The following TMEM267 variants were observed in gnomAD, a reference collection of about 807,000 sequenced individuals.
TMEM267 encodes transmembrane protein C5orf28.
A neutral mutation model predicts 19.3 loss-of-function variants in TMEM267; 20 were observed. The observed-to-expected ratio is 1.04, with a 90% CI of 0.73 to 1.51. TMEM267 has a LOEUF of 1.51. Among genes scored for constraint, TMEM267 ranks in the 40% most tolerant of loss-of-function variants. The probability of loss-of-function intolerance (pLI) is 0.00; values close to 1 mark genes in which losing one functional copy is unlikely to be tolerated. For synonymous variants in TMEM267, 88 were observed against 90.3 expected (o/e 0.97, Z 0.15); for missense variants, 242 against 261.9 (o/e 0.92, Z 0.52).
Position 43,472,505 on chromosome 5 carries a change from G to T in TMEM267, c.-75+11317C>A, listed in dbSNP as rs187969349. The stretch of plus-strand genomic sequence containing the variant: ...TATCTACACTCCTATGTTTGTTGCA[G>T]CATTGTTTACAATAGCTAAGATGTG... On this transcript the variant is annotated intron_variant, in intron 1 of 2. Transcript: ENST00000397080. Among the ~76,000 whole-genome samples, 4 of 152,278 alleles carry T rather than the reference G, an allele frequency of 2.6e-5. No individual in the cohort carries two copies. In the East Asian group the frequency reaches 7.7e-4, roughly 29 times the overall value.
intron 1 of TMEM267, among the ~76,000 whole-genome samples, chr5:43,474,792 C>T (rs977865579): frequency 6.6e-6 from 1 of 150,788 alleles, no homozygotes; most frequent in Non-Finnish European, 1.5e-5. Context: ...AAAAAAGGCT[C>T]ATCATCACTG....
chr5:43,455,983 G>T (rs1370155220), intron 1 of TMEM267, among the ~76,000 whole-genome samples: 1 of 151,004 alleles, frequency 6.6e-6, no homozygotes. Context: ...CCACAGATGT[G>T]TGTCACCATG....
intron 1 of TMEM267, among the ~76,000 whole-genome samples, chr5:43,470,561 G>C (rs1341306497): frequency 6.6e-6 from 1 of 152,156 alleles, no homozygotes; most frequent in African/African-American, 2.4e-5. Flanking sequence ...TGTGTCACGG[G>C]CACATCCTTA....
intron 1 of TMEM267, among the ~76,000 whole-genome samples, chr5:43,457,753 TTAAAAA>T (rs1743034571): frequency 1.3e-5 from 2 of 152,048 alleles, no homozygotes; most frequent in Non-Finnish European, 1.5e-5. Context: ...TTACAAAAAC[TTAAAAA>T]TAAAGTCAAT....
At chr5:43,448,790 C>T (rs1003944264) in intron 2 of TMEM267, among the ~76,000 whole-genome samples, 3 of 149,224 alleles carry the variant, frequency 2.0e-5, no homozygotes, top group South Asian at 2.1e-4. Context: ...AACAACCCCC[C>T]CCCACAAAAA....
rs556350412 is a variant in TMEM267, at chr5:43,475,128, C to A, written c.-75+8694G>T. On this transcript the variant is annotated intron_variant, in intron 1 of 2. Coordinates refer to ENST00000397080, the MANE Select transcript of TMEM267 (RefSeq NM_022483.5). Reference sequence around the variant, plus strand: ...AATAGCAAAGGCTTGGAACGAAATGCCCATCAGTGATAGACTGGATAAAGA... The same window carrying A: ...AATAGCAAAGGCTTGGAACGAAATGACCATCAGTGATAGACTGGATAAAGA... Among the ~76,000 whole-genome samples the A allele has an allele frequency of 2.0e-5, 3 of 152,136 alleles. No homozygotes were observed. The South Asian group carries it at 6.2e-4, about 32-fold the overall frequency.
Position 43,477,456 on chromosome 5 carries a change from T to C in TMEM267, c.-75+6366A>G, listed in dbSNP as rs191745754. Among the ~76,000 whole-genome samples, 63 of 152,200 alleles carry C rather than the reference T, an allele frequency of 4.1e-4. 1 individual carries two copies. In the South Asian group the frequency reaches 7.9e-3, roughly 19 times the overall value. On this transcript the variant is annotated intron_variant, in intron 1 of 2. Coordinates refer to ENST00000397080, the MANE Select transcript of TMEM267 (RefSeq NM_022483.5). ...AAAATACAAAAAATTTAGCTGGGCA[T>C]GATGGCGTGTGCCTGTAATCCCAGC...
At position 43,445,135 on chromosome 5, in the gene TMEM267, A is replaced by C. The variant is rs1257525779; in HGVS notation, c.*1087T>G. On this transcript the variant is annotated 3_prime_UTR_variant, in exon 3 of 3. Transcript: ENST00000397080. ...GCACTGACTTTAATAAACTGTGCAAATATAAGATGTATAGCAACTAAATTT... is the reference window on the plus strand; with the variant it reads ...GCACTGACTTTAATAAACTGTGCAACTATAAGATGTATAGCAACTAAATTT... 1.3e-5 allele frequency: 2 copies of C among 152,228 alleles called. No individual in the cohort carries two copies. Among genetic ancestry groups the C allele is most frequent in the African/African-American group, 2.4e-5 (1 of 41,460 alleles). 9.4% of individuals were successfully genotyped at this position (152,228 alleles called of 1,614,324 possible). A position where few individuals can be genotyped will look rare whatever the true frequency, so the allele number is the denominator to read the frequency against.
chr5:43,466,860 A>G (rs1743751893), intron 1 of TMEM267, among the ~76,000 whole-genome samples: 1 of 149,254 alleles, frequency 6.7e-6, no homozygotes, highest in South Asian at 2.1e-4. Context: ...GAAAGAAAGA[A>G]GGAAGAGGCC....
chr5:43,461,283 T>C (rs1221058919), intron 1 of TMEM267, among the ~76,000 whole-genome samples: 1 of 152,178 alleles, frequency 6.6e-6, no homozygotes, highest in African/African-American at 2.4e-5. Context: ...CCAGCAGTGA[T>C]ACACAGGTAC....
chr5:43,480,398 C>CT (rs1234713965), intron 1 of TMEM267, among the ~76,000 whole-genome samples: 3 of 152,096 alleles, frequency 2.0e-5, no homozygotes, highest in Admixed American at 1.3e-4. Flanking sequence ...ACTGTAGCCT[C>CT]TAACTCCTAG....
chr5:43,452,069 C>A (rs1329078681), intron 2 of TMEM267, among the ~76,000 whole-genome samples: 8 of 128,194 alleles, frequency 6.2e-5, no homozygotes, highest in Admixed American at 6.1e-4. Flanking sequence ...CACAGCAAGA[C>A]CCTATCTCAA....
chr5:43,464,043 T>C (rs1743450510), intron 1 of TMEM267, among the ~76,000 whole-genome samples: 3 of 152,218 alleles, frequency 2.0e-5, no homozygotes, highest in Admixed American at 2.0e-4. Context: ...CATGATTGTA[T>C]ATCTAGAAAA....
intron 1 of TMEM267, among the ~76,000 whole-genome samples, chr5:43,458,259 C>G (rs977706411): frequency 6.6e-6 from 1 of 152,078 alleles, no homozygotes; most frequent in African/African-American, 2.4e-5. Context: ...GGCCACCATG[C>G]CTGGCTAATT....
At chr5:43,483,194 T>A (rs926379165) in intron 1 of TMEM267, among the ~76,000 whole-genome samples, 4 of 152,234 alleles carry the variant, frequency 2.6e-5, no homozygotes, top group Non-Finnish European at 5.9e-5. Flanking sequence ...CACTGAAACT[T>A]TTTATAGCCA....
Position 43,444,626 on chromosome 5 carries a change from T to C in TMEM267, c.*1596A>G, listed in dbSNP as rs946606913. The C allele has an allele frequency of 2.6e-5, 4 of 152,148 alleles. No individual in the cohort carries two copies. Among genetic ancestry groups the C allele is most frequent in the Non-Finnish European group, 4.4e-5 (3 of 68,028 alleles). The allele number at this position is 152,148 out of a possible 1,614,324, so 9.4% of individuals were successfully genotyped here. A position where few individuals can be genotyped will look rare whatever the true frequency, so the allele number is the denominator to read the frequency against. Reference sequence around the variant, plus strand: ...CTATATTTTTAATAATATTTATTTGTTTAATATGAAGAAAGAAAAAGTAGA... The same window carrying C: ...CTATATTTTTAATAATATTTATTTGCTTAATATGAAGAAAGAAAAAGTAGA... On this transcript the variant is annotated 3_prime_UTR_variant, in exon 3 of 3. Transcript: ENST00000397080.
chr5:43,463,335 T>A (rs1193463373), intron 1 of TMEM267, among the ~76,000 whole-genome samples: 1 of 152,146 alleles, frequency 6.6e-6, no homozygotes, highest in Non-Finnish European at 1.5e-5. Context: ...ACCAGATGTA[T>A]TCACAGCCGA....
In TMEM267 at chr5:43,446,418, G is replaced by T; in HGVS notation, c.452C>A (p.Ser151Tyr). The T allele has an allele frequency of 1.2e-6, 2 of 1,614,066 alleles. No homozygotes were observed. Among genetic ancestry groups the T allele is most frequent in the South Asian group, 2.2e-5 (2 of 91,082 alleles). The change falls in exon 3 of 3, where the codon TCC becomes TAC. Residue 151 changes from serine (S) to tyrosine (Y), a missense_variant. Transcript: ENST00000397080. Reference sequence around the variant, plus strand: ...ATCTCGGATATGATGTGAAGTCCAGGATATAAATAACATCCAGGGAAGAAA... The same window carrying T: ...ATCTCGGATATGATGTGAAGTCCAGTATATAAATAACATCCAGGGAAGAAA... ...WCFLPWMLFISWTSHHIRDGI... is the reference protein window; with the variant it reads ...WCFLPWMLFIYWTSHHIRDGI...
At chr5:43,450,830 T>TTTTGA (rs1191674407) in intron 2 of TMEM267, among the ~76,000 whole-genome samples, 1 of 152,040 alleles carries the variant, frequency 6.6e-6, no homozygotes, top group African/African-American at 2.4e-5. Flanking sequence ...GTTTTTTTTG[T>TTTTGA]TTTGTTTTGT....
Sources: gnomAD v4.1 joint callset for allele counts (sites outside exome capture counted in the v4.1 genomes callset) on GRCh38, gnomAD v4.1.1 for gene constraint, MANE v1.5 for transcripts, NCBI Gene and HGNC (gene_info 2026-07-23, HGNC 2026-07-21) for gene names.